The following SLC39A8 variants were observed in gnomAD, a reference collection of about 807,000 sequenced individuals.
SLC39A8 encodes the protein metal cation symporter ZIP8.
Under a neutral mutation model 40.4 loss-of-function variants are expected in SLC39A8, and 15 were observed. That is an observed-to-expected ratio of 0.37 (90% CI 0.25 to 0.57). SLC39A8 has a LOEUF of 0.57. Ranked by LOEUF, SLC39A8 falls within the 20% of genes least tolerant of loss-of-function variation. The pLI, the probability that SLC39A8 is intolerant of heterozygous loss-of-function variation, is 0.75. For missense variants in SLC39A8, 472 were observed against 558.8 expected (o/e 0.84, Z 1.57); for synonymous variants, 223 against 221.6 (o/e 1.01, Z -0.06).
intron 5 of SLC39A8, 141 bp downstream of exon 5, chr4:102,304,848 A>G (rs1267173883): frequency 4.3e-6 from 3 of 695,554 alleles, no homozygotes; most frequent in Non-Finnish European, 6.8e-6. Context: ...CAATATATTG[A>G]CTCTTTGTTC....
At chr4:102,256,562 ATAGT>A (rs970532246) in intron 11 of SLC39A8, among the ~76,000 whole-genome samples, 5 of 152,336 alleles carry the variant, frequency 3.3e-5, no homozygotes, top group African/African-American at 9.6e-5. Flanking sequence ...CTCTGTATGC[ATAGT>A]TAATCATACA....
At chr4:102,271,406 C>T (rs1334781176) in intron 6 of SLC39A8, among the ~76,000 whole-genome samples, 15 of 152,282 alleles carry the variant, frequency 9.9e-5, no homozygotes, top group Non-Finnish European at 4.4e-5. Flanking sequence ...CCTTCATCAA[C>T]CATCCAAATG....
chr4:102,291,694 C>T lies in SLC39A8; in HGVS notation c.840+12623G>A, dbSNP rs372094273. The stretch of plus-strand genomic sequence containing the variant: ...CTTCTGTTTTTTCTTTGTTATGCCC[C>T]TAAGGATGGGATGGCCTAGCACATG... On this transcript the variant is annotated intron_variant, in intron 6 of 8. Coordinates refer to ENST00000356736, the MANE Select transcript of SLC39A8 (RefSeq NM_001135146.2). Among the ~76,000 whole-genome samples the T allele has an allele frequency of 9.3e-4, 141 of 151,976 alleles. 1 individual carries two copies. Among genetic ancestry groups the T allele is most frequent in the African/African-American group, 3.3e-3 (136 of 41,468 alleles).
chr4:102,267,396 C>A (rs1217308061), intron 8 of SLC39A8, 94 bp downstream of exon 8: 2 of 1,173,206 alleles, frequency 1.7e-6, no homozygotes. Flanking sequence ...TTCCACACTG[C>A]GGAAAGCAGA....
chr4:102,262,037 G>A lies in SLC39A8; in HGVS notation c.*1007C>T. On this transcript the variant is annotated 3_prime_UTR_variant, in exon 9 of 9. Coordinates refer to ENST00000356736, the MANE Select transcript of SLC39A8 (RefSeq NM_001135146.2). Reference sequence around the variant, plus strand: ...TGGAAAAGTATAGGCTGAACACAAAGGAAGTCTTTTCTGAATGGCTCTCGA... The same window carrying A: ...TGGAAAAGTATAGGCTGAACACAAAAGAAGTCTTTTCTGAATGGCTCTCGA... 1.0e-6 allele frequency: 1 copy of A among 985,854 alleles called. No homozygotes were observed. Among genetic ancestry groups the A allele is most frequent in the Non-Finnish European group, 1.2e-6 (1 of 829,880 alleles). 61.1% of individuals were successfully genotyped at this position (985,854 alleles called of 1,614,324 possible). A position where few individuals can be genotyped will look rare whatever the true frequency, so the allele number is the denominator to read the frequency against.
At chr4:102,282,938 G>A (rs1732968515) in intron 6 of SLC39A8, among the ~76,000 whole-genome samples, 1 of 152,158 alleles carries the variant, frequency 6.6e-6, no homozygotes, top group Non-Finnish European at 1.5e-5. Context: ...GTGTTAGCCG[G>A]GATGGTCTCG....
intron 4 of SLC39A8, among the ~76,000 whole-genome samples, chr4:102,307,029 T>C (rs1315621609): frequency 6.6e-6 from 1 of 152,112 alleles, no homozygotes; most frequent in Non-Finnish European, 1.5e-5. Flanking sequence ...TTTAGTGGTA[T>C]ATGTTAAATA....
intron 6 of SLC39A8, among the ~76,000 whole-genome samples, chr4:102,298,201 C>T (rs181762175): frequency 4.2e-4 from 64 of 151,944 alleles, no homozygotes; most frequent in Non-Finnish European, 6.6e-4. Flanking sequence ...AACAGTTTTT[C>T]ATGAATAAAA....
Position 102,262,788 on chromosome 4 carries a change from G to T in SLC39A8, c.*256C>A. 2 of 1,207,472 alleles carry T rather than the reference G, an allele frequency of 1.7e-6. No individual in the cohort carries two copies. Among genetic ancestry groups the T allele is most frequent in the Non-Finnish European group, 2.1e-6 (2 of 968,426 alleles). 74.8% of individuals were successfully genotyped at this position (1,207,472 alleles called of 1,614,324 possible). A position where few individuals can be genotyped will look rare whatever the true frequency, so the allele number is the denominator to read the frequency against. On this transcript the variant is annotated 3_prime_UTR_variant, in exon 9 of 9. Transcript: ENST00000356736. ...CTTCATGGTGATATCTAATATGCAT[G>T]GAATACTGAAAAATAGGTATTTCCC... is the stretch of plus-strand genomic sequence containing the variant.
intron 6 of SLC39A8, among the ~76,000 whole-genome samples, chr4:102,291,105 C>T (rs1733420495): frequency 6.6e-6 from 1 of 151,846 alleles, no homozygotes; most frequent in Non-Finnish European, 1.5e-5. Context: ...AACTGCTCTT[C>T]TCCCTCATTT....
At chr4:102,314,995 C>T (rs545463011) in intron 3 of SLC39A8, among the ~76,000 whole-genome samples, 21 of 152,218 alleles carry the variant, frequency 1.4e-4, no homozygotes, top group African/African-American at 5.1e-4. Flanking sequence ...AAAATTCCAA[C>T]ATAATTTTCA....
intron 6 of SLC39A8, among the ~76,000 whole-genome samples, chr4:102,282,110 C>T (rs926129392): frequency 2.0e-5 from 3 of 152,090 alleles, no homozygotes; most frequent in Admixed American, 6.6e-5. Flanking sequence ...CAAAGTCATA[C>T]CTCTAGAAAT....
rs1169838533 is a variant in SLC39A8, at chr4:102,320,471, A to AAT, written c.220-4643_220-4642dup. ...ATATGAGAGTATATATACATATGAG[A>AAT]ATATATATATGAGAGTATATATATA... is the stretch of plus-strand genomic sequence containing the variant. On this transcript the variant is annotated intron_variant, in intron 2 of 8. Transcript: ENST00000356736. Among the ~76,000 whole-genome samples the AAT allele has an allele frequency of 1.4e-4, 13 of 90,156 alleles. 1 individual carries two copies. The South Asian group carries it at 4.0e-3, about 28-fold the overall frequency. The allele number at this position is 90,156 out of a possible 152,430, so 59.1% of individuals were successfully genotyped here. A position where few individuals can be genotyped will look rare whatever the true frequency, so the allele number is the denominator to read the frequency against.
At chr4:102,293,604 G>T (rs973506384) in intron 6 of SLC39A8, among the ~76,000 whole-genome samples, 2 of 151,882 alleles carry the variant, frequency 1.3e-5, no homozygotes, top group Non-Finnish European at 2.9e-5. Flanking sequence ...TAGGAAAAAA[G>T]TTATCATTTG....
At chr4:102,311,249 A>T (rs1467263502) in intron 3 of SLC39A8, among the ~76,000 whole-genome samples, 2 of 152,162 alleles carry the variant, frequency 1.3e-5, no homozygotes, top group African/African-American at 2.4e-5. Flanking sequence ...CCTATTTCAT[A>T]GAGTTATTAC....
At chr4:102,285,694 A>G (rs898984683) in intron 6 of SLC39A8, among the ~76,000 whole-genome samples, 2 of 151,968 alleles carry the variant, frequency 1.3e-5, no homozygotes, top group African/African-American at 4.8e-5. Context: ...ACTATATAAT[A>G]TAGTAATGTC....
chr4:102,341,037 C>G (rs1735919651), intron 2 of SLC39A8, among the ~76,000 whole-genome samples: 1 of 151,168 alleles, frequency 6.6e-6, no homozygotes, highest in Non-Finnish European at 1.5e-5. Flanking sequence ...AGGATCAGGC[C>G]TTAAATGCTA....
At chr4:102,303,727 C>T (rs1423331734) in intron 6 of SLC39A8, among the ~76,000 whole-genome samples, 1 of 151,318 alleles carries the variant, frequency 6.6e-6, no homozygotes, top group Non-Finnish European at 1.5e-5. Flanking sequence ...CACTTGAAAC[C>T]AATATAGTTC....
In SLC39A8 at chr4:102,262,990, A is replaced by C; in HGVS notation, c.*54T>G. The stretch of plus-strand genomic sequence containing the variant: ...GGATCAGCTTCAAAATCCTTTTTGG[A>C]GATGTTTTTATCTATTAAATGCCTT... On this transcript the variant is annotated 3_prime_UTR_variant, in exon 9 of 9. Coordinates refer to ENST00000356736, the MANE Select transcript of SLC39A8 (RefSeq NM_001135146.2). 2 of 1,517,180 alleles carry C rather than the reference A, an allele frequency of 1.3e-6. No homozygotes were observed. Among genetic ancestry groups the C allele is most frequent in the Non-Finnish European group, 1.8e-6 (2 of 1,133,282 alleles). 94.0% of individuals were successfully genotyped at this position (1,517,180 alleles called of 1,614,324 possible). A position where few individuals can be genotyped will look rare whatever the true frequency, so the allele number is the denominator to read the frequency against.
Sources: allele counts gnomAD v4.1 joint callset (sites outside exome capture counted in the v4.1 genomes callset), GRCh38; gene constraint gnomAD v4.1.1; transcripts MANE v1.5; gene names NCBI Gene and HGNC (gene_info 2026-07-23, HGNC 2026-07-21).